The following SLC33A1 variants were observed in gnomAD, a reference collection of about 807,000 sequenced individuals.
The protein encoded by SLC33A1 is solute carrier family 33 member 1.
Under a neutral mutation model 50.0 loss-of-function variants are expected in SLC33A1, and 20 were observed. That is an observed-to-expected ratio of 0.40 (90% CI 0.28 to 0.58). The LOEUF is 0.58. Ranked by LOEUF, SLC33A1 falls within the 20% of genes least tolerant of loss-of-function variation. The pLI, the probability that SLC33A1 is intolerant of heterozygous loss-of-function variation, is 0.44. For synonymous variants in SLC33A1, 265 were observed against 251.8 expected, an observed-to-expected ratio of 1.05 and a Z score of -0.50; for missense variants, 476 against 657.0, an observed-to-expected ratio of 0.72 and a Z score of 3.01.
chr3:155,833,592 A>C lies in SLC33A1; in HGVS notation c.1149-7T>G. The C allele has an allele frequency of 6.8e-7, 1 of 1,472,042 alleles. No homozygotes were observed. The highest frequency in any genetic ancestry group is 1.4e-5 in the African/African-American group (1 of 72,230). 91.2% of individuals were successfully genotyped at this position (1,472,042 alleles called of 1,614,324 possible). A position where few individuals can be genotyped will look rare whatever the true frequency, so the allele number is the denominator to read the frequency against. ...TTCTAACCCAAGCAATAATCTATAGAGAAAGAAACATTGAGTTGACTTCCA... is the reference window on the plus strand; with the variant it reads ...TTCTAACCCAAGCAATAATCTATAGCGAAAGAAACATTGAGTTGACTTCCA... On this transcript the variant is annotated splice_polypyrimidine_tract_variant and splice_region_variant and intron_variant, in intron 3 of 5. Coordinates refer to ENST00000643144, the MANE Select transcript of SLC33A1 (RefSeq NM_004733.4).
At chr3:155,829,941 A>T (rs1392997502) in intron 4 of SLC33A1, 38 bp from the exon 5 acceptor site, 3 of 1,253,796 alleles carry the variant, frequency 2.4e-6, no homozygotes, top group Non-Finnish European at 3.5e-6. Flanking sequence ...TATGATTATA[A>T]AGCTTATAAA....
At chr3:155,839,028 C>T (rs1752816999) in intron 2 of SLC33A1, among the ~76,000 whole-genome samples, 1 of 151,938 alleles carries the variant, frequency 6.6e-6, no homozygotes, top group Non-Finnish European at 1.5e-5. Context: ...GTGGCTCACA[C>T]CTGTAATCCC....
Position 155,854,267 on chromosome 3 carries a change from G to A in SLC33A1, c.-270C>T. ...CTGAAGGAGACCCCCGGGCAGCAGC[G>A]CCGGGCTCGAGGCTGGAGGTGTGTG... On this transcript the variant is annotated 5_prime_UTR_variant, in exon 1 of 6. Coordinates refer to ENST00000643144, the MANE Select transcript of SLC33A1 (RefSeq NM_004733.4). The A allele has an allele frequency of 2.9e-6, 1 of 343,006 alleles. No individual in the cohort carries two copies. Among genetic ancestry groups the A allele is most frequent in the Non-Finnish European group, 5.3e-6 (1 of 188,424 alleles). 21.2% of individuals were successfully genotyped at this position (343,006 alleles called of 1,614,324 possible). A position where few individuals can be genotyped will look rare whatever the true frequency, so the allele number is the denominator to read the frequency against.
intron 4 of SLC33A1, among the ~76,000 whole-genome samples, chr3:155,830,328 G>A (rs1190000825): frequency 4.6e-5 from 7 of 151,628 alleles, no homozygotes; most frequent in African/African-American, 1.7e-4. Flanking sequence ...AGCTGAGATC[G>A]CACCACTGCA....
intron 1 of SLC33A1, among the ~76,000 whole-genome samples, chr3:155,851,672 C>A: frequency 1.3e-5 from 2 of 151,332 alleles, no homozygotes; most frequent in African/African-American, 2.4e-5. Flanking sequence ...CCCACCTCAG[C>A]CTCCCAAAGT....
Position 155,823,266 on chromosome 3 carries a change from TG to T in SLC33A1, c.*4943del, listed in dbSNP as rs1577450929. The stretch of plus-strand genomic sequence containing the variant: ...TTGCTAGCAAATTGGGGAAGTAACA[TG>T]AAGACTCTAATAGTGGTTTGACTGG... On this transcript the variant is annotated 3_prime_UTR_variant, in exon 6 of 6. Coordinates refer to ENST00000643144, the MANE Select transcript of SLC33A1 (RefSeq NM_004733.4). 1 of 152,156 alleles carries T rather than the reference TG, an allele frequency of 6.6e-6. No individual in the cohort carries two copies. Among genetic ancestry groups the T allele is most frequent in the African/African-American group, 2.4e-5 (1 of 41,432 alleles). The allele number at this position is 152,156 out of a possible 1,614,324, so 9.4% of individuals were successfully genotyped here.
At chr3:155,831,406 C>T (rs1484890191) in intron 4 of SLC33A1, among the ~76,000 whole-genome samples, 1 of 126,724 alleles carries the variant, frequency 7.9e-6, no homozygotes, top group Non-Finnish European at 1.6e-5. Context: ...CACAGTGAGC[C>T]GAGATTGTGC....
chr3:155,837,915 T>C (rs1031742358), intron 2 of SLC33A1, among the ~76,000 whole-genome samples: 2 of 152,202 alleles, frequency 1.3e-5, no homozygotes, highest in Non-Finnish European at 2.9e-5. Flanking sequence ...TACCTCCTTA[T>C]ATATTGCTGG....
chr3:155,840,665 T>C (rs1752895430), intron 2 of SLC33A1, among the ~76,000 whole-genome samples: 1 of 151,850 alleles, frequency 6.6e-6, no homozygotes, highest in South Asian at 2.1e-4. Context: ...AAATACAAAA[T>C]TAGCTGGGCC....
In SLC33A1 at chr3:155,834,194, G is replaced by A. The variant is rs76622618; in HGVS notation, c.964-153C>T. Among the ~76,000 whole-genome samples, 877 of 152,256 alleles carry A rather than the reference G, an allele frequency of 5.8e-3. 7 individuals carry two copies. Among genetic ancestry groups the A allele is most frequent in the African/African-American group, 0.02 (838 of 41,554 alleles). On this transcript the variant is annotated intron_variant, in intron 2 of 5. Coordinates refer to ENST00000643144, the MANE Select transcript of SLC33A1 (RefSeq NM_004733.4). ...TTATTATACCTGGTACAACAGTCAA[G>A]TTATACGAGGTACATTTTGCCTTAT...
intron 1 of SLC33A1, among the ~76,000 whole-genome samples, chr3:155,843,762 T>A (rs1753016151): frequency 6.6e-6 from 1 of 152,204 alleles, no homozygotes; most frequent in African/African-American, 2.4e-5. Flanking sequence ...CCAAGTTACA[T>A]TCTAAGTCAG....
At chr3:155,851,254 A>T (rs190604822) in intron 1 of SLC33A1, among the ~76,000 whole-genome samples, 245 of 151,982 alleles carry the variant, frequency 1.6e-3, no homozygotes, top group Middle Eastern at 3.4e-3. Context: ...ATACATATAT[A>T]TAATTTTAAG....
intron 2 of SLC33A1, among the ~76,000 whole-genome samples, chr3:155,836,308 AAAAAAG>A (rs1400276526): frequency 1.4e-5 from 2 of 142,714 alleles, no homozygotes; most frequent in African/African-American, 5.4e-5. Flanking sequence ...AAAAAAAAAA[AAAAAAG>A]GAAAGAAAGA....
intron 2 of SLC33A1, among the ~76,000 whole-genome samples, chr3:155,834,564 G>C (rs1324549665): frequency 6.6e-6 from 1 of 152,052 alleles, no homozygotes; most frequent in East Asian, 1.9e-4. Flanking sequence ...AAGGGATAAA[G>C]TATAGTTAGA....
chr3:155,840,693 A>C lies in SLC33A1; in HGVS notation c.963+1739T>G, dbSNP rs1334473262. On this transcript the variant is annotated intron_variant, in intron 2 of 5. Transcript: ENST00000643144. The stretch of plus-strand genomic sequence containing the variant: ...GCTGGGCCTGGTGGCATGTGCCTGT[A>C]ATCCCAGCTACTTGGGAGGCTGAGG... 2.0e-5 allele frequency among the ~76,000 whole-genome samples: 3 copies of C among 152,110 alleles called. No individual in the cohort carries two copies. In the East Asian group the frequency reaches 5.8e-4, roughly 30 times the overall value.
At position 155,827,935 on chromosome 3, in the gene SLC33A1, T is replaced by C. The variant is rs1752254163; in HGVS notation, c.*275A>G. The C allele has an allele frequency of 2.8e-6, 1 of 357,388 alleles. No individual in the cohort carries two copies. The highest frequency in any genetic ancestry group is 3.0e-5 in the South Asian group (1 of 33,354). The allele number at this position is 357,388 out of a possible 1,614,324, so 22.1% of individuals were successfully genotyped here. Reference sequence around the variant, plus strand: ...CATTGCAGCTTAAAACATGCTTTGGTCAGTAAATTTAAAAGATATACATCA... The same window carrying C: ...CATTGCAGCTTAAAACATGCTTTGGCCAGTAAATTTAAAAGATATACATCA... On this transcript the variant is annotated 3_prime_UTR_variant, in exon 6 of 6. Transcript: ENST00000643144.
intron 3 of SLC33A1, 106 bp from the exon 4 acceptor site, chr3:155,833,691 C>T: frequency 1.1e-6 from 1 of 951,028 alleles, no homozygotes; most frequent in Non-Finnish European, 1.7e-6. Flanking sequence ...TGTATCTAAA[C>T]CTGTTAGGAG....
Position 155,853,931 on chromosome 3 carries a change from G to C in SLC33A1, c.67C>G (p.Leu23Val). Reference protein sequence around the residue: ...QRRPGNFSHSLDMKSGPLPPG... With the variant: ...QRRPGNFSHSVDMKSGPLPPG... ...GGCAGGGGACCGCTCTTCATATCCA[G>C]AGAGTGACTGAAATTCCCTGGCCGC... The change falls in exon 1 of 6, where the codon CTG (leucine) becomes GTG (valine). Residue 23 changes from leucine to valine, a missense_variant. Leu to Val is a conservative substitution (Grantham distance 32, BLOSUM62 1). Coordinates refer to ENST00000643144, the MANE Select transcript of SLC33A1 (RefSeq NM_004733.4). The C allele has an allele frequency of 1.3e-6, 2 of 1,539,072 alleles. No individual in the cohort carries two copies. The highest frequency in any genetic ancestry group is 1.7e-6 in the Non-Finnish European group (2 of 1,147,992).
chr3:155,833,786 A>C (rs932812530), intron 3 of SLC33A1, 71 bp downstream of exon 3: 15 of 1,182,566 alleles, frequency 1.3e-5, no homozygotes, highest in African/African-American at 6.0e-5. Context: ...CTACGCTCAG[A>C]TATTAGTGGT....
Sources: gnomAD v4.1 joint callset for allele counts (sites outside exome capture counted in the v4.1 genomes callset) on GRCh38, gnomAD v4.1.1 for gene constraint, MANE v1.5 for transcripts, NCBI Gene and HGNC (gene_info 2026-07-23, HGNC 2026-07-21) for gene names.